Variants in CDH17 observed in about 807,000 individuals in gnomAD.
CDH17 encodes the protein cadherin 17.
Under a neutral mutation model 86.3 loss-of-function variants are expected in CDH17, and 67 were observed. The observed-to-expected ratio is 0.78, with a 90% CI of 0.64 to 0.95. The LOEUF is 0.95. Ranked by LOEUF, CDH17 falls within the 40% of genes least tolerant of loss-of-function variation. CDH17 has a pLI of 0.00. For synonymous variants in CDH17, 367 were observed against 366.4 expected (o/e 1.00, Z -0.02); for missense variants, 993 against 1,017.6 (o/e 0.98, Z 0.33).
intron 3 of CDH17, among the ~76,000 whole-genome samples, chr8:94,179,824 A>C (rs1478078524): frequency 6.6e-6 from 1 of 152,194 alleles, no homozygotes; most frequent in African/African-American, 2.4e-5. Flanking sequence ...CTAAGCAAAC[A>C]AACAGCATCA....
rs571045949 is a variant in CDH17 at position 94,177,079 on chromosome 8, C to A, written c.286-400G>T. Among the ~76,000 whole-genome samples, 14 of 152,324 alleles carry A rather than the reference C, an allele frequency of 9.2e-5. No homozygotes were observed. The East Asian group carries it at 2.3e-3, about 25-fold the overall frequency. ...CTCACTCTTTTTTCCATAGTAGGCT[C>A]TCTGACTTTCCTAGGTATTCAGATA... On this transcript the variant is annotated intron_variant, in intron 4 of 17. Transcript: ENST00000027335.
chr8:94,132,420 G>C (rs1159395099), intron 15 of CDH17, among the ~76,000 whole-genome samples: 1 of 152,166 alleles, frequency 6.6e-6, no homozygotes, highest in Non-Finnish European at 1.5e-5. Context: ...GCATTTCTCT[G>C]ATGACCAGTG....
chr8:94,148,762 C>T lies in CDH17; in HGVS notation c.1909G>A (p.Val637Met), dbSNP rs1407511406. 2.1e-6 allele frequency: 3 copies of T among 1,456,534 alleles called. No individual in the cohort carries two copies. The highest frequency in any genetic ancestry group is 9.2e-7 in the Non-Finnish European group (1 of 1,082,722). The allele number at this position is 1,456,534 out of a possible 1,614,324, so 90.2% of individuals were successfully genotyped here. A position where few individuals can be genotyped will look rare whatever the true frequency, so the allele number is the denominator to read the frequency against. Reference protein sequence around the residue: ...REAGSPYRVQVVATEVGGSSL... With the variant: ...REAGSPYRVQMVATEVGGSSL... ...TGCTTACCTACTTCTGTGGCCACCA[C>T]TTGTACCCGATATGGACTTCCGGCT... Residue 637 changes from valine to methionine, a missense_variant, in exon 14 of 18, where the codon GTG becomes ATG. Val to Met is a conservative substitution (Grantham distance 21, BLOSUM62 1). Coordinates refer to ENST00000027335, the MANE Select transcript of CDH17 (RefSeq NM_004063.4).
intron 2 of CDH17, among the ~76,000 whole-genome samples, chr8:94,191,031 C>T (rs571362212): frequency 3.9e-5 from 6 of 152,282 alleles, no homozygotes; most frequent in South Asian, 2.1e-4. Flanking sequence ...CCACAGAGAC[C>T]GGTAAACCAA....
chr8:94,141,193 C>A (rs1034208282), intron 15 of CDH17, among the ~76,000 whole-genome samples: 4 of 151,216 alleles, frequency 2.6e-5, no homozygotes, highest in African/African-American at 9.7e-5. Flanking sequence ...ATTAATAGGC[C>A]CAAAAAATCA....
At chr8:94,142,294 A>G (rs888931414) in intron 15 of CDH17, among the ~76,000 whole-genome samples, 8 of 152,214 alleles carry the variant, frequency 5.3e-5, no homozygotes, top group Non-Finnish European at 1.2e-4. Context: ...AACAGCTTAT[A>G]CTATACTCTA....
intron 15 of CDH17, among the ~76,000 whole-genome samples, chr8:94,139,273 G>A (rs560648467): frequency 1.3e-5 from 2 of 152,058 alleles, no homozygotes; most frequent in East Asian, 1.9e-4. Flanking sequence ...TAAACTTGAA[G>A]ATATAGAAAT....
chr8:94,173,752 C>A lies in CDH17; in HGVS notation c.783+45G>T, dbSNP rs768052787. 4.2e-6 allele frequency: 6 copies of A among 1,436,366 alleles called. No homozygotes were observed. In the South Asian group the frequency reaches 4.6e-5, roughly 11 times the overall value. The allele number at this position is 1,436,366 out of a possible 1,614,324, so 89.0% of individuals were successfully genotyped here. On this transcript the variant is annotated intron_variant, in intron 7 of 17. Transcript: ENST00000027335. ...AGGGTGGGTCTCTACAAAGTGAAGCCATTTATCTAGTTGGCTCTCAGTGTT... is the reference window on the plus strand; with the variant it reads ...AGGGTGGGTCTCTACAAAGTGAAGCAATTTATCTAGTTGGCTCTCAGTGTT...
chr8:94,145,906 C>T (rs750012882), intron 15 of CDH17, 22 bp downstream of exon 15: 18 of 1,597,178 alleles, frequency 1.1e-5, no homozygotes, highest in Admixed American at 7.1e-5. Context: ...ATGTTTTTTT[C>T]CATGTATTTC....
At position 94,143,233 on chromosome 8, in the gene CDH17, T is replaced by C. The variant is rs370854447; in HGVS notation, c.2167+2695A>G. Among the ~76,000 whole-genome samples the C allele has an allele frequency of 6.0e-4, 91 of 152,306 alleles. 2 individuals carry two copies. The South Asian group carries it at 0.018, about 31-fold the overall frequency. ...TTTCCTTGTACATCTCCACCAGAGC[T>C]CTTGAGTAACCAGGTGCATTGTCAA... On this transcript the variant is annotated intron_variant, in intron 15 of 17. Transcript: ENST00000027335.
At chr8:94,192,163 G>T (rs1226930910) in intron 2 of CDH17, among the ~76,000 whole-genome samples, 2 of 152,140 alleles carry the variant, frequency 1.3e-5, no homozygotes, top group Non-Finnish European at 2.9e-5. Flanking sequence ...TGCTTGTATT[G>T]GGGCAACAAA....
At chr8:94,134,911 G>A (rs559379450) in intron 15 of CDH17, among the ~76,000 whole-genome samples, 20 of 152,158 alleles carry the variant, frequency 1.3e-4, no homozygotes, top group African/African-American at 4.6e-4. Context: ...CCTTCATTTC[G>A]TTATTTATCC....
intron 9 of CDH17, 103 bp downstream of exon 9, chr8:94,170,294 C>T: frequency 2.5e-6 from 3 of 1,200,100 alleles, no homozygotes; most frequent in Non-Finnish European, 3.6e-6. Context: ...CTGTGGAAGA[C>T]ATGGATTACT....
chr8:94,204,787 A>G (rs1727063785), intron 1 of CDH17, among the ~76,000 whole-genome samples: 1 of 152,166 alleles, frequency 6.6e-6, no homozygotes, highest in African/African-American at 2.4e-5. Context: ...CCCAAGACAG[A>G]GCAAGGGAAG....
intron 15 of CDH17, among the ~76,000 whole-genome samples, chr8:94,144,192 A>G (rs533870803): frequency 6.6e-6 from 1 of 152,266 alleles, no homozygotes; most frequent in South Asian, 2.1e-4. Flanking sequence ...AAGGAGAGAG[A>G]GAGACATGGG....
At chr8:94,146,307 T>TA in intron 14 of CDH17, 140 bp from the exon 15 acceptor site, 1 of 650,912 alleles carries the variant, frequency 1.5e-6, no homozygotes. Context: ...ATCAAAGACC[T>TA]AGTTTCATTA....
intron 10 of CDH17, among the ~76,000 whole-genome samples, chr8:94,163,485 T>C (rs1173823720): frequency 6.6e-6 from 1 of 152,222 alleles, no homozygotes; most frequent in Non-Finnish European, 1.5e-5. Context: ...AACAGCCCTC[T>C]TCTAGTGACA....
At chr8:94,131,122 T>A in intron 15 of CDH17, 130 bp from the exon 16 acceptor site, 2 of 631,192 alleles carry the variant, frequency 3.2e-6, no homozygotes, top group Non-Finnish European at 5.7e-6. Flanking sequence ...GCCCAAAGTA[T>A]CATCCACATC....
chr8:94,173,281 G>C (rs1372739479), intron 7 of CDH17, among the ~76,000 whole-genome samples: 1 of 152,118 alleles, frequency 6.6e-6, no homozygotes, highest in Non-Finnish European at 1.5e-5. Context: ...GGGATCATGG[G>C]GGCAGATCCC....
Sources: gnomAD v4.1 joint callset for allele counts (sites outside exome capture counted in the v4.1 genomes callset) on GRCh38, gnomAD v4.1.1 for gene constraint, MANE v1.5 for transcripts, NCBI Gene and HGNC (gene_info 2026-07-23, HGNC 2026-07-21) for gene names.